The following PTPRH variants were observed in gnomAD, a reference collection of about 807,000 sequenced individuals.
The protein encoded by PTPRH is protein tyrosine phosphatase receptor type H.
In PTPRH, 113 loss-of-function variants were observed where a neutral mutation model predicts 130.2. The ratio of observed to expected loss-of-function variants is 0.87; its 90% CI spans 0.75 to 1.01. PTPRH has a LOEUF of 1.01. PTPRH is among the 50% of genes least tolerant of loss of function. PTPRH has a pLI of 0.00. For synonymous variants in PTPRH, 556 were observed against 577.9 expected (o/e 0.96, Z 0.54); for missense variants, 1,430 against 1,425.0 (o/e 1.00, Z -0.06).
Position 55,203,909 on chromosome 19 carries a change from C to G in PTPRH, c.759G>C (p.Glu253Asp). The G allele has an allele frequency of 6.2e-7, 1 of 1,614,190 alleles. No homozygotes were observed. The highest frequency in any genetic ancestry group is 8.5e-7 in the Non-Finnish European group (1 of 1,180,052). The change falls in exon 5 of 20, where the codon GAG becomes GAC. Residue 253 changes from glutamate (E) to aspartate (D), a missense_variant. Transcript: ENST00000376350. ...VQCTGDGGRTETRNTTDTRVT... is the reference protein window; with the variant it reads ...VQCTGDGGRTDTRNTTDTRVT... ...CTCTGGTGTCTGTTGTGTTTCGAGTCTCTGTTCTGCCACCATCTCCAGTGC... is the reference window on the plus strand; with the variant it reads ...CTCTGGTGTCTGTTGTGTTTCGAGTGTCTGTTCTGCCACCATCTCCAGTGC...
Position 55,196,703 on chromosome 19 carries a change from G to A in PTPRH, c.2076C>T (p.Gly692=), listed in dbSNP as rs150731541. The A allele has an allele frequency of 6.2e-7, 1 of 1,614,056 alleles. No individual in the cohort carries two copies. Among genetic ancestry groups the A allele is most frequent in the Non-Finnish European group, 8.5e-7 (1 of 1,180,010 alleles). Residue 692 remains glycine, a synonymous_variant, in exon 10 of 20, where the codon GGC becomes GGT. Transcript: ENST00000376350. ...VNLIWSCPQG[G]YEAFELEVGG... is the part of the protein sequence containing the mutation. ...CCACCTCCAACTCAAAGGCCTCGTAGCCTCCCTGGGGGCAGGACCAGATCA... is the reference window on the plus strand; with the variant it reads ...CCACCTCCAACTCAAAGGCCTCGTAACCTCCCTGGGGGCAGGACCAGATCA...
Position 55,186,241 on chromosome 19 carries a change from C to A in PTPRH, c.2762G>T (p.Cys921Phe). 1 of 1,611,464 alleles carries A rather than the reference C, an allele frequency of 6.2e-7. No homozygotes were observed. The highest frequency in any genetic ancestry group is 8.5e-7 in the Non-Finnish European group (1 of 1,178,054). Residue 921 changes from cysteine (C) to phenylalanine (F), a missense_variant, in exon 16 of 20, where the codon TGC becomes TTC. Cys to Phe is a radical substitution (Grantham distance 205). Coordinates refer to ENST00000376350, the MANE Select transcript of PTPRH (RefSeq NM_002842.5). The stretch of plus-strand genomic sequence containing the variant: ...ATCTCTCACCCGGCCGGCCTCCATG[C>A]AGTTGGTCAGCATGACCAGGGTGTG... ...QSHTLVMLTNCMEAGRVKCEH... is the reference protein window; with the variant it reads ...QSHTLVMLTNFMEAGRVKCEH...
intron 18 of PTPRH, among the ~76,000 whole-genome samples, chr19:55,185,203 A>C (rs1230353434): frequency 6.6e-6 from 1 of 151,928 alleles, no homozygotes; most frequent in Non-Finnish European, 1.5e-5. Context: ...ATGTTGGCCA[A>C]GCTGTTCTCA....
chr19:55,197,707 A>G (rs1004836531), intron 8 of PTPRH, among the ~76,000 whole-genome samples: 7 of 152,016 alleles, frequency 4.6e-5, no homozygotes, highest in African/African-American at 2.4e-5. Flanking sequence ...GAGGCTATGG[A>G]TTCTCTGTAT....
Position 55,203,396 on chromosome 19 carries a change from T to TTTCC in PTPRH, c.886+382_886+385dup, listed in dbSNP as rs112722502. Among the ~76,000 whole-genome samples the TTTCC allele has an allele frequency of 8.4e-4, 119 of 141,676 alleles. 1 individual carries two copies. The highest frequency in any genetic ancestry group is 3.6e-3 in the Admixed American group (49 of 13,670). 92.9% of individuals were successfully genotyped at this position (141,676 alleles called of 152,430 possible). A position where few individuals can be genotyped will look rare whatever the true frequency, so the allele number is the denominator to read the frequency against. On this transcript the variant is annotated intron_variant, in intron 5 of 19. Transcript: ENST00000376350. ...ATCTCATAGTAATTTAGTTTCTTTC[T>TTTCC]TTCCTTCCTTCCTTCCTTCCTTCCT... is the stretch of plus-strand genomic sequence containing the variant.
intron 18 of PTPRH, among the ~76,000 whole-genome samples, chr19:55,184,174 C>G (rs2086254333): frequency 6.6e-6 from 1 of 151,976 alleles, no homozygotes; most frequent in Non-Finnish European, 1.5e-5. Context: ...ATCCCAGCTA[C>G]TCAGGAGGCT....
At chr19:55,194,564 T>C (rs2086631975) in intron 10 of PTPRH, among the ~76,000 whole-genome samples, 1 of 152,096 alleles carries the variant, frequency 6.6e-6, no homozygotes, top group South Asian at 2.1e-4. Flanking sequence ...TCCTAGGAAG[T>C]GATTGATGGG....
chr19:55,203,802 T>A lies in PTPRH; in HGVS notation c.866A>T (p.Glu289Val). ...CTTACCTGTGGCACTAGTGACAATC[T>A]CCACAGAGCTATTTACTCCGTCTTT... ...VEKDGVNSSV[E>V]IVTSATAPNP... is the part of the protein sequence containing the mutation. The change falls in exon 5 of 20, where the codon GAG becomes GTG. Residue 289 changes from glutamate to valine, a missense_variant. Transcript: ENST00000376350. 1.2e-6 allele frequency: 2 copies of A among 1,604,616 alleles called. No homozygotes were observed. Among genetic ancestry groups the A allele is most frequent in the Non-Finnish European group, 1.7e-6 (2 of 1,172,306 alleles).
intron 4 of PTPRH, among the ~76,000 whole-genome samples, chr19:55,205,091 G>A (rs2087001444): frequency 6.6e-6 from 1 of 151,938 alleles, no homozygotes; most frequent in South Asian, 2.1e-4. Context: ...TCCTCTTGGT[G>A]CAGGAAGGTA....
chr19:55,198,785 G>T lies in PTPRH; in HGVS notation c.1548C>A (p.Gly516=), dbSNP rs770707894. Reference sequence around the variant, plus strand: ...TGCTTTGGGTCCTGGGGTCAGTCATGCCTTCCCTGACCCATGAGACCCAGT... The same window carrying T: ...TGCTTTGGGTCCTGGGGTCAGTCATTCCTTCCCTGACCCATGAGACCCAGT... ...YSYWVSWVRE[G]MTDPRTQSTS... Residue 516 remains glycine (G), a synonymous_variant, in exon 8 of 20, where the codon GGC becomes GGA. Transcript: ENST00000376350. 6.2e-7 allele frequency: 1 copy of T among 1,613,770 alleles called. No homozygotes were observed. Among genetic ancestry groups the T allele is most frequent in the Non-Finnish European group, 8.5e-7 (1 of 1,179,820 alleles).
chr19:55,197,506 T>A, intron 8 of PTPRH, 90 bp from the exon 9 acceptor site: 2 of 1,259,550 alleles, frequency 1.6e-6, no homozygotes, highest in Non-Finnish European at 2.2e-6. Flanking sequence ...AAAGCTGAGA[T>A]ATCCATTATT....
intron 4 of PTPRH, among the ~76,000 whole-genome samples, chr19:55,204,627 T>C (rs1271907173): frequency 6.6e-6 from 1 of 150,750 alleles, no homozygotes; most frequent in Non-Finnish European, 1.5e-5. Flanking sequence ...CACTTGCCAA[T>C]GTATTTCCAT....
At chr19:55,187,344 CAA>C (rs58124409) in intron 14 of PTPRH, among the ~76,000 whole-genome samples, 167 bp downstream of exon 14, 1 of 45,298 alleles carries the variant, frequency 2.2e-5, no homozygotes, top group Non-Finnish European at 4.2e-5. Context: ...GACTCCGTCT[CAA>C]AAAAAAAAAA....
Position 55,198,695 on chromosome 19 carries a change from C to T in PTPRH, c.1638G>A (p.Trp546Ter), listed in dbSNP as rs2086762508. Residue 546 changes from tryptophan (W) to a stop codon, truncating the protein, a stop_gained, in exon 8 of 20, where the codon TGG becomes TGA. Coordinates refer to ENST00000376350, the MANE Select transcript of PTPRH (RefSeq NM_002842.5). LOFTEE classifies it high-confidence loss of function. ...AGCCTCTGACCTCATTCCTCTCGGC[C>T]CAGACGGTGAGGTGGTACAGGCTGC... ...EAGSLYHLTV[W>*]AERNEVRGYN... 1.9e-6 allele frequency: 3 copies of T among 1,613,844 alleles called. No individual in the cohort carries two copies. The highest frequency in any genetic ancestry group is 4.5e-5 in the East Asian group (2 of 44,876).
At position 55,187,533 on chromosome 19, in the gene PTPRH, C is replaced by T. The variant is rs138117592; in HGVS notation, c.2546G>A (p.Arg849His). 24 of 1,612,630 alleles carry T rather than the reference C, an allele frequency of 1.5e-5. No homozygotes were observed. The highest frequency in any genetic ancestry group is 1.6e-4 in the Middle Eastern group (1 of 6,080). The change falls in exon 14 of 20, where the codon CGC becomes CAC. Residue 849 changes from arginine to histidine, a missense_variant. Physicochemically the swap from Arg to His is conservative, Grantham distance 29 (BLOSUM62 0). Coordinates refer to ENST00000376350, the MANE Select transcript of PTPRH (RefSeq NM_002842.5). ...ASASENNAKN[R>H]YRNVLPYDWS... ...CTCACAGGGCAGCACATTTCTGTAG[C>T]GGTTCTTGGCGTTGTTCTCTGAAGC...
At chr19:55,197,047 C>A in intron 9 of PTPRH, 70 bp downstream of exon 9, 2 of 1,548,056 alleles carry the variant, frequency 1.3e-6, no homozygotes, top group South Asian at 1.2e-5. Context: ...GTATTCCATT[C>A]ATCTCTCAGC....
chr19:55,184,578 G>C (rs2086265046), intron 18 of PTPRH, among the ~76,000 whole-genome samples: 1 of 151,956 alleles, frequency 6.6e-6, no homozygotes, highest in Admixed American at 6.6e-5. Context: ...CACGAGGTCA[G>C]GAGTTCGAGA....
intron 8 of PTPRH, among the ~76,000 whole-genome samples, chr19:55,197,934 C>A (rs2086737096): frequency 6.6e-6 from 1 of 152,140 alleles, no homozygotes; most frequent in Non-Finnish European, 1.5e-5. Flanking sequence ...AGGTTCAGGC[C>A]AGGCATAGTG....
intron 18 of PTPRH, among the ~76,000 whole-genome samples, chr19:55,183,821 C>T (rs1396362837): frequency 6.6e-6 from 1 of 152,200 alleles, no homozygotes; most frequent in Non-Finnish European, 1.5e-5. Context: ...TTTCATCACC[C>T]CTAAAGCAGA....
Sources: allele counts gnomAD v4.1 joint callset (sites outside exome capture counted in the v4.1 genomes callset), GRCh38; gene constraint gnomAD v4.1.1; transcripts MANE v1.5; gene names NCBI Gene and HGNC (gene_info 2026-07-23, HGNC 2026-07-21).